The following POC1A variants were observed in gnomAD, a reference collection of about 807,000 sequenced individuals.
POC1A encodes POC1 centriolar protein A, also known as POC1 centriolar protein homolog A.
A neutral mutation model predicts 47.8 loss-of-function variants in POC1A; 34 were observed. The ratio of observed to expected loss-of-function variants is 0.71; its 90% CI spans 0.54 to 0.95. The LOEUF (loss-of-function observed/expected upper bound fraction) is 0.95, where lower values mean the gene tolerates loss of function less well. POC1A is among the 40% of genes least tolerant of loss of function. The pLI, the probability that POC1A is intolerant of heterozygous loss-of-function variation, is 0.00. For synonymous variants in POC1A, 177 were observed against 207.6 expected, an observed-to-expected ratio of 0.85 and a Z score of 1.27; for missense variants, 466 against 528.3, an observed-to-expected ratio of 0.88 and a Z score of 1.16.
chr3:52,122,133 T>C (rs1175429312), intron 9 of POC1A, among the ~76,000 whole-genome samples: 3 of 152,222 alleles, frequency 2.0e-5, no homozygotes, highest in Non-Finnish European at 4.4e-5. Context: ...TCCCACCAAA[T>C]GGCACAGGCC....
chr3:52,078,685 G>T (rs1414417191), intron 10 of POC1A, among the ~76,000 whole-genome samples: 1 of 151,950 alleles, frequency 6.6e-6, no homozygotes, highest in African/African-American at 2.4e-5. Context: ...TAATATTTTT[G>T]TATTTTTAGT....
intron 10 of POC1A, among the ~76,000 whole-genome samples, chr3:52,087,083 A>G (rs1251491591): frequency 6.6e-6 from 1 of 152,180 alleles, no homozygotes; most frequent in Non-Finnish European, 1.5e-5. Context: ...GGTGAGCTTG[A>G]AGGGATAGAG....
chr3:52,154,412 T>C lies in POC1A; in HGVS notation c.-40A>G, dbSNP rs1316566802. The C allele has an allele frequency of 1.2e-5, 17 of 1,421,946 alleles. No individual in the cohort carries two copies. The highest frequency in any genetic ancestry group is 1.6e-5 in the Non-Finnish European group (17 of 1,093,668). 88.1% of individuals were successfully genotyped at this position (1,421,946 alleles called of 1,614,324 possible). On this transcript the variant is annotated 5_prime_UTR_variant, in exon 1 of 11. Coordinates refer to ENST00000296484, the MANE Select transcript of POC1A (RefSeq NM_015426.5). ...CGCCGAAGGCAGCTGCGGTGGCCGT[T>C]GCGGCCCGTTCAGTTTCCGCGCCCC...
intron 9 of POC1A, among the ~76,000 whole-genome samples, chr3:52,102,549 C>A (rs1047601129): frequency 6.6e-6 from 1 of 152,210 alleles, no homozygotes; most frequent in Admixed American, 6.5e-5. Flanking sequence ...CAATCCAAGA[C>A]GATCTCACCT....
At position 52,138,217 on chromosome 3, in the gene POC1A, G is replaced by T; in HGVS notation, c.765C>A (p.Ile255=). The T allele has an allele frequency of 6.2e-7, 1 of 1,614,032 alleles. No individual in the cohort carries two copies. The highest frequency in any genetic ancestry group is 8.5e-7 in the Non-Finnish European group (1 of 1,179,968). The stretch of plus-strand genomic sequence containing the variant: ...GCAGCCGGCCCTCCATCAGGTCCAG[G>T]ATCTTCAGGGTTGAGTCACTGGAGG... ...ITASSDSTLK[I]LDLMEGRLLY... is the part of the protein sequence containing the mutation. Residue 255 remains isoleucine (I), a synonymous_variant, in exon 7 of 11, where the codon ATC becomes ATA. Coordinates refer to ENST00000296484, the MANE Select transcript of POC1A (RefSeq NM_015426.5).
At chr3:52,151,126 G>A in intron 1 of POC1A, 26 bp from the exon 2 acceptor site, 1 of 1,613,074 alleles carries the variant, frequency 6.2e-7, no homozygotes, top group African/African-American at 1.3e-5. Context: ...GGTCAAATGT[G>A]TGAAGCCTGG....
chr3:52,143,137 T>C (rs1698253329), intron 6 of POC1A, among the ~76,000 whole-genome samples: 1 of 151,636 alleles, frequency 6.6e-6, no homozygotes. Context: ...TAGGGGTGGC[T>C]TAGGGATGAG....
At position 52,146,970 on chromosome 3, in the gene POC1A, C is replaced by T. The variant is rs765923846; in HGVS notation, c.563+18G>A. The stretch of plus-strand genomic sequence containing the variant: ...TGCTTGAGCGCCTACAGGTGGAGGA[C>T]AGCATCTGGGGACTCACCCGCCATG... On this transcript the variant is annotated intron_variant, in intron 5 of 10. Transcript: ENST00000296484. 3 of 1,596,376 alleles carry T rather than the reference C, an allele frequency of 1.9e-6. No individual in the cohort carries two copies. The South Asian group carries it at 3.3e-5, about 18-fold the overall frequency.
chr3:52,083,324 G>T (rs568686950), intron 10 of POC1A, among the ~76,000 whole-genome samples: 6 of 152,202 alleles, frequency 3.9e-5, no homozygotes, highest in African/African-American at 1.4e-4. Context: ...CCTCATACGT[G>T]GCGAAACAGA....
intron 6 of POC1A, among the ~76,000 whole-genome samples, chr3:52,145,156 C>T (rs551104161): frequency 1.2e-4 from 19 of 152,300 alleles, no homozygotes; most frequent in Admixed American, 9.8e-4. Flanking sequence ...CATGGCCCTG[C>T]CCACTCATAC....
intron 10 of POC1A, among the ~76,000 whole-genome samples, chr3:52,093,964 C>T (rs1702724241): frequency 6.6e-6 from 1 of 152,192 alleles, no homozygotes; most frequent in Non-Finnish European, 1.5e-5. Context: ...AGAAAACATC[C>T]CTGGCTACGG....
chr3:52,138,472 G>A (rs1413360299), intron 6 of POC1A, among the ~76,000 whole-genome samples, 170 bp from the exon 7 acceptor site: 1 of 152,198 alleles, frequency 6.6e-6, no homozygotes, highest in Non-Finnish European at 1.5e-5. Context: ...TTTCCCAGGA[G>A]AGGGGCACAA....
chr3:52,122,322 C>G (rs370535998), intron 9 of POC1A, 57 bp downstream of exon 9: 7 of 1,021,912 alleles, frequency 6.8e-6, no homozygotes, highest in African/African-American at 1.6e-5. Context: ...GAGCTGTTCA[C>G]CATGACCTAG....
intron 10 of POC1A, among the ~76,000 whole-genome samples, chr3:52,092,138 C>A (rs1268242257): frequency 2.6e-5 from 4 of 152,204 alleles, no homozygotes; most frequent in African/African-American, 9.7e-5. Context: ...ACCAGTGATG[C>A]CCCAAACAGC....
In POC1A at chr3:52,149,870, T is replaced by G. The variant is rs1577928688; in HGVS notation, c.221A>C (p.His74Pro). The G allele has an allele frequency of 6.2e-7, 1 of 1,613,818 alleles. No homozygotes were observed. Among genetic ancestry groups the G allele is most frequent in the East Asian group, 2.2e-5 (1 of 44,884 alleles). ...VTCVNFSPSG[H>P]LLASGSRDKT... ...GTCTCGGGAGCCGGAAGCAAGCAGGTGTCCCGAAGGAGAGAAGTTCACACA... is the reference window on the plus strand; with the variant it reads ...GTCTCGGGAGCCGGAAGCAAGCAGGGGTCCCGAAGGAGAGAAGTTCACACA... Residue 74 changes from histidine (H) to proline (P), a missense_variant, in exon 3 of 11, where the codon CAC becomes CCC. By Grantham distance (77) the His-to-Pro change is moderately conservative. Coordinates refer to ENST00000296484, the MANE Select transcript of POC1A (RefSeq NM_015426.5).
Position 52,149,428 on chromosome 3 carries a change from C to T in POC1A, c.276-39G>A, listed in dbSNP as rs372509670. The T allele has an allele frequency of 9.0e-4, 1,431 of 1,593,240 alleles. 7 individuals carry two copies. Among genetic ancestry groups the T allele is most frequent in the Middle Eastern group, 8.5e-3 (51 of 6,006 alleles). On this transcript the variant is annotated intron_variant, in intron 3 of 10. Coordinates refer to ENST00000296484, the MANE Select transcript of POC1A (RefSeq NM_015426.5). ...CATCCAAGAGTAAGGAAACCCATAA[C>T]AGTGACATGAGAGCCCACAAGCACA...
In POC1A at chr3:52,111,936, G is replaced by A. The variant is rs575704048; in HGVS notation, c.981+10443C>T. 1.2e-4 allele frequency among the ~76,000 whole-genome samples: 19 copies of A among 152,278 alleles called. No homozygotes were observed. The South Asian group carries it at 3.9e-3, about 32-fold the overall frequency. On this transcript the variant is annotated intron_variant, in intron 9 of 10. Transcript: ENST00000296484. ...AACACAGATTCAAGAATAGGTGACT[G>A]GACTAATGGCAGGAGTACTAAGGGG...
Position 52,084,112 on chromosome 3 carries a change from C to G in POC1A, c.1126-8127G>C, listed in dbSNP as rs1216827680. On this transcript the variant is annotated intron_variant, in intron 10 of 10. Transcript: ENST00000296484. The surrounding 1 kb of genome is among the most constrained non-coding windows in gnomAD (Gnocchi z 4.3). The stretch of plus-strand genomic sequence containing the variant: ...GTGGCCAGTTTGTAGAACGCTGGTT[C>G]CAGAATAAACTCTGGGAGAAGAGCC... Among the ~76,000 whole-genome samples, 2 of 152,326 alleles carry G rather than the reference C, an allele frequency of 1.3e-5. No homozygotes were observed. The highest frequency in any genetic ancestry group is 6.5e-5 in the Admixed American group (1 of 15,304).
intron 9 of POC1A, among the ~76,000 whole-genome samples, chr3:52,104,658 G>A (rs763274061): frequency 2.0e-5 from 3 of 152,180 alleles, no homozygotes; most frequent in Non-Finnish European, 4.4e-5. Context: ...GAAGACCCCA[G>A]GTGAGGCCCA....
Sources: allele counts gnomAD v4.1 joint callset (sites outside exome capture counted in the v4.1 genomes callset), GRCh38; gene constraint gnomAD v4.1.1; non-coding constraint Gnocchi (gnomAD v3.1); transcripts MANE v1.5; gene names NCBI Gene and HGNC (gene_info 2026-07-23, HGNC 2026-07-21).